The following PTPRD variants were observed in gnomAD, a reference collection of about 807,000 sequenced individuals.
PTPRD encodes the protein receptor-type tyrosine-protein phosphatase delta.
Under a neutral mutation model 214.5 loss-of-function variants are expected in PTPRD, and 34 were observed. That is an observed-to-expected ratio of 0.16 (90% confidence interval 0.12 to 0.21). The LOEUF (loss-of-function observed/expected upper bound fraction) is 0.21, where lower values mean the gene tolerates loss of function less well. PTPRD is among the 10% of genes least tolerant of loss of function. The pLI is 1.00. For missense variants in PTPRD, 2,545 were observed against 2,398.7 expected (o/e 1.06, Z -1.27); for synonymous variants, 1,128 against 845.7 (o/e 1.33, Z -5.79).
At chr9:9,919,501 T>G (rs976378406) in intron 5 of PTPRD, among the ~76,000 whole-genome samples, 1 of 152,128 alleles carries the variant, frequency 6.6e-6, no homozygotes, top group African/African-American at 2.4e-5. Context: ...ATGTGCCGCA[T>G]TCGGATAATT....
chr9:8,319,531 G>C (rs941978133), intron 45 of PTPRD, among the ~76,000 whole-genome samples: 2 of 151,680 alleles, frequency 1.3e-5, no homozygotes, highest in Non-Finnish European at 2.9e-5. Flanking sequence ...TTATATTATA[G>C]GACTATGAAT....
At chr9:10,212,972 T>A (rs1413034679) in intron 3 of PTPRD, among the ~76,000 whole-genome samples, 4 of 152,192 alleles carry the variant, frequency 2.6e-5, no homozygotes, top group African/African-American at 9.6e-5. Flanking sequence ...TTGCACAACG[T>A]AACCTTAATC....
intron 14 of PTPRD, among the ~76,000 whole-genome samples, chr9:8,628,614 C>CAAAA (rs57311712): frequency 7.9e-5 from 8 of 101,254 alleles, no homozygotes; most frequent in African/African-American, 2.8e-4. Context: ...CATATCAGGC[C>CAAAA]AAAAAAAAAA....
intron 7 of PTPRD, among the ~76,000 whole-genome samples, chr9:9,720,341 C>A (rs534163923): frequency 6.6e-6 from 1 of 152,220 alleles, no homozygotes; most frequent in South Asian, 2.1e-4. Flanking sequence ...ATTAAAAGAG[C>A]CCTACAACTG....
At chr9:8,966,983 A>G (rs1192100310) in intron 11 of PTPRD, among the ~76,000 whole-genome samples, 1 of 152,150 alleles carries the variant, frequency 6.6e-6, no homozygotes, top group African/African-American at 2.4e-5. Context: ...AAAATGGACC[A>G]TAGACATGAA....
intron 5 of PTPRD, among the ~76,000 whole-genome samples, chr9:9,841,288 A>C (rs2153636683): frequency 6.6e-6 from 1 of 152,254 alleles, no homozygotes; most frequent in South Asian, 2.1e-4. Context: ...AAAAAGTTGA[A>C]GTGTAATGGG....
chr9:8,854,481 C>G (rs2097877512), intron 11 of PTPRD, among the ~76,000 whole-genome samples: 2 of 152,144 alleles, frequency 1.3e-5, no homozygotes, highest in South Asian at 4.1e-4. Flanking sequence ...TTTGATAAAT[C>G]AAGTTTGGTC....
At chr9:10,196,693 T>C (rs989887898) in intron 3 of PTPRD, among the ~76,000 whole-genome samples, 1 of 152,150 alleles carries the variant, frequency 6.6e-6, no homozygotes, top group Non-Finnish European at 1.5e-5. Context: ...ATGGTAGGCA[T>C]AGTTACCTCA....
At chr9:9,073,675 G>A (rs947462394) in intron 10 of PTPRD, among the ~76,000 whole-genome samples, 6 of 152,158 alleles carry the variant, frequency 3.9e-5, no homozygotes, top group Admixed American at 1.3e-4. Context: ...CCAGCCTGTC[G>A]GCTTGCCCTA....
chr9:8,513,100 C>T (rs1017883913), intron 21 of PTPRD, among the ~76,000 whole-genome samples: 2 of 151,930 alleles, frequency 1.3e-5, no homozygotes, highest in Non-Finnish European at 2.9e-5. Flanking sequence ...AAACTAGTTG[C>T]AAGTGACTTT....
chr9:9,903,002 T>C (rs1005118612), intron 5 of PTPRD, among the ~76,000 whole-genome samples: 2 of 152,142 alleles, frequency 1.3e-5, no homozygotes, highest in African/African-American at 4.8e-5. Flanking sequence ...AAGGGAGTTT[T>C]ACCTGAGTGA....
chr9:9,038,564 T>G (rs952973611), intron 10 of PTPRD, among the ~76,000 whole-genome samples: 3 of 150,774 alleles, frequency 2.0e-5, no homozygotes, highest in African/African-American at 7.4e-5. Context: ...TTTTTTTTTT[T>G]TTTTTTTTGA....
chr9:8,631,692 G>T (rs2096257762), intron 14 of PTPRD, among the ~76,000 whole-genome samples: 1 of 151,790 alleles, frequency 6.6e-6, no homozygotes, highest in Non-Finnish European at 1.5e-5. Context: ...ATATACGTAT[G>T]TATCTTGCTG....
chr9:10,577,125 T>C (rs957626601), intron 2 of PTPRD, among the ~76,000 whole-genome samples: 2 of 152,116 alleles, frequency 1.3e-5, no homozygotes, highest in South Asian at 4.1e-4. Context: ...CTATGCATAC[T>C]GGGGTACTTT....
intron 8 of PTPRD, among the ~76,000 whole-genome samples, chr9:9,501,914 C>G (rs1225428882): frequency 1.3e-5 from 2 of 151,778 alleles, no homozygotes; most frequent in Non-Finnish European, 2.9e-5. Context: ...GGTGGGATGC[C>G]TCTGAAGCAA....
chr9:9,684,481 C>T (rs1202398852), intron 7 of PTPRD, among the ~76,000 whole-genome samples: 1 of 151,570 alleles, frequency 6.6e-6, no homozygotes, highest in Non-Finnish European at 1.5e-5. Flanking sequence ...TGGTCTTTGT[C>T]AACTCAATGC....
intron 2 of PTPRD, among the ~76,000 whole-genome samples, chr9:10,426,587 G>C (rs1300130838): frequency 1.3e-5 from 2 of 151,956 alleles, no homozygotes; most frequent in Admixed American, 6.6e-5. Context: ...AAGGAAACTG[G>C]ATAAGATAGC....
At chr9:8,971,359 G>T (rs147252052) in intron 11 of PTPRD, among the ~76,000 whole-genome samples, 320 of 151,646 alleles carry the variant, frequency 2.1e-3, no homozygotes, top group African/African-American at 7.2e-3. Context: ...AAACCTTCCT[G>T]CCTGTTCAAA....
chr9:9,717,248 C>T (rs2097851598), intron 7 of PTPRD, among the ~76,000 whole-genome samples: 1 of 152,218 alleles, frequency 6.6e-6, no homozygotes, highest in East Asian at 1.9e-4. Context: ...GTTTTGCTTA[C>T]TATAGCCTTG....
Sources: gnomAD v4.1 joint callset for allele counts (sites outside exome capture counted in the v4.1 genomes callset) on GRCh38, gnomAD v4.1.1 for gene constraint, MANE v1.5 for transcripts, NCBI Gene and HGNC (gene_info 2026-07-23, HGNC 2026-07-21) for gene names.